The following EPB41L2 variants were observed in gnomAD, a reference collection of about 807,000 sequenced individuals.
EPB41L2 encodes the protein band 4.1-like protein 2.
A neutral mutation model predicts 113.0 loss-of-function variants in EPB41L2; 43 were observed. The observed-to-expected ratio is 0.38, with a 90% confidence interval of 0.30 to 0.49. EPB41L2 has a LOEUF of 0.49. Ranked by LOEUF, EPB41L2 falls within the 20% of genes least tolerant of loss-of-function variation. EPB41L2 has a pLI of 0.95. For missense variants in EPB41L2, 1,147 were observed against 1,223.4 expected, an observed-to-expected ratio of 0.94 and a Z score of 0.93; for synonymous variants, 442 against 436.7, an observed-to-expected ratio of 1.01 and a Z score of -0.15.
intron 1 of EPB41L2, among the ~76,000 whole-genome samples, chr6:130,973,159 G>GGGAAGACTTGATGGAAT (rs1562635190): frequency 6.6e-6 from 1 of 151,758 alleles, no homozygotes; most frequent in African/African-American, 2.4e-5. Context: ...CTTGATGGAA[G>GGGAAGACTTGATGGAAT]TCTTCACTTC....
At chr6:130,991,936 C>G (rs535148897) in intron 1 of EPB41L2, among the ~76,000 whole-genome samples, 18 of 152,022 alleles carry the variant, frequency 1.2e-4, no homozygotes, top group Middle Eastern at 3.4e-3. Context: ...TACACCCACC[C>G]GTTGGCTTCA....
At chr6:131,018,885 A>G (rs1172286852) in intron 1 of EPB41L2, among the ~76,000 whole-genome samples, 1 of 152,198 alleles carries the variant, frequency 6.6e-6, no homozygotes, top group Non-Finnish European at 1.5e-5. Context: ...ATCCGTTCAA[A>G]TCAGGTTTAC....
At chr6:130,894,203 A>G (rs77671273) in intron 10 of EPB41L2, 141 bp downstream of exon 10, 13,752 of 643,888 alleles carry the variant, frequency 0.021, 211 homozygotes, top group Non-Finnish European at 0.029. Flanking sequence ...AGAAAAAAAG[A>G]GAGATGGAGT....
At chr6:131,046,838 G>A (rs976847167) in intron 1 of EPB41L2, among the ~76,000 whole-genome samples, 3 of 152,144 alleles carry the variant, frequency 2.0e-5, no homozygotes, top group African/African-American at 7.2e-5. Context: ...TCTAGTTTCT[G>A]CATGAAAACT....
intron 6 of EPB41L2, 118 bp from the exon 7 acceptor site, chr6:130,901,298 C>A: frequency 1.3e-6 from 1 of 782,540 alleles, no homozygotes; most frequent in Admixed American, 2.8e-5. Flanking sequence ...AGGCACTCTT[C>A]ATATAAACAG....
At chr6:130,997,539 C>T (rs1202775041) in intron 1 of EPB41L2, among the ~76,000 whole-genome samples, 2 of 152,144 alleles carry the variant, frequency 1.3e-5, no homozygotes, top group African/African-American at 4.8e-5. Context: ...TGTTATATGA[C>T]AACTGTTACT....
At chr6:130,934,259 T>C (rs2062189562) in intron 3 of EPB41L2, among the ~76,000 whole-genome samples, 1 of 152,194 alleles carries the variant, frequency 6.6e-6, no homozygotes, top group Admixed American at 6.5e-5. Flanking sequence ...AAAGAAACCC[T>C]GGTCAATTTT....
chr6:130,905,131 G>A (rs111812272), intron 5 of EPB41L2, among the ~76,000 whole-genome samples: 8 of 152,022 alleles, frequency 5.3e-5, no homozygotes, highest in Admixed American at 6.6e-5. Context: ...AAGTATATTC[G>A]TATATAACAT....
Position 130,987,175 on chromosome 6 carries a change from C to T in EPB41L2, c.-14-30676G>A, listed in dbSNP as rs538480253. ...TCTGCCTTTTGGTTAGTATGAATAG[C>T]CACTATGAACATCCGTGTATAATTT... On this transcript the variant is annotated intron_variant, in intron 1 of 19. Transcript: ENST00000337057. Among the ~76,000 whole-genome samples the T allele has an allele frequency of 1.2e-4, 19 of 152,268 alleles. No homozygotes were observed. The South Asian group carries it at 3.5e-3, about 28-fold the overall frequency.
At position 130,994,013 on chromosome 6, in the gene EPB41L2, G is replaced by A. The variant is rs1309863364; in HGVS notation, c.-14-37514C>T. 2.0e-5 allele frequency among the ~76,000 whole-genome samples: 3 copies of A among 152,188 alleles called. No homozygotes were observed. The South Asian group carries it at 6.2e-4, about 32-fold the overall frequency. ...CAGTATACCGGGAATAAAACTTGGGGTTGGGAGAAACGTCATGAAGTTATT... is the reference window on the plus strand; with the variant it reads ...CAGTATACCGGGAATAAAACTTGGGATTGGGAGAAACGTCATGAAGTTATT... On this transcript the variant is annotated intron_variant, in intron 1 of 19. Transcript: ENST00000337057.
intron 19 of EPB41L2, among the ~76,000 whole-genome samples, chr6:130,852,879 C>T (rs1779175113): frequency 1.3e-5 from 2 of 152,184 alleles, no homozygotes. Context: ...TGCTTCCAAT[C>T]CTGCCTGGAA....
In EPB41L2 at chr6:130,903,140, A is replaced by G. The variant is rs1044777515; in HGVS notation, c.929+1325T>C. On this transcript the variant is annotated intron_variant, in intron 6 of 19. Coordinates refer to ENST00000337057, the MANE Select transcript of EPB41L2 (RefSeq NM_001431.4). ...CTGATGCTACAAACTTGCAATCACC[A>G]AAGGATTATCATTCTCCAAACAAAT... is the stretch of plus-strand genomic sequence containing the variant. 7.2e-5 allele frequency among the ~76,000 whole-genome samples: 11 copies of G among 152,278 alleles called. 1 individual carries two copies. Among genetic ancestry groups the G allele is most frequent in the Admixed American group, 6.5e-4 (10 of 15,286 alleles).
At chr6:131,017,384 G>A (rs1452552618) in intron 1 of EPB41L2, among the ~76,000 whole-genome samples, 1 of 152,108 alleles carries the variant, frequency 6.6e-6, no homozygotes, top group African/African-American at 2.4e-5. Context: ...TCATTTATCA[G>A]AGTTTGCACA....
chr6:131,041,684 G>C (rs750703332), intron 1 of EPB41L2, among the ~76,000 whole-genome samples: 1 of 152,030 alleles, frequency 6.6e-6, no homozygotes, highest in South Asian at 2.1e-4. Flanking sequence ...ACTCTATAGA[G>C]CAAACAATAG....
At chr6:130,869,222 C>T (rs930451067) in intron 15 of EPB41L2, among the ~76,000 whole-genome samples, 8 of 151,932 alleles carry the variant, frequency 5.3e-5, no homozygotes, top group Non-Finnish European at 1.0e-4. Context: ...GAAAAAAAGG[C>T]ATTTAGTGTG....
At chr6:130,999,794 C>A (rs1426989699) in intron 1 of EPB41L2, among the ~76,000 whole-genome samples, 1 of 152,130 alleles carries the variant, frequency 6.6e-6, no homozygotes, top group Non-Finnish European at 1.5e-5. Flanking sequence ...TTAGCCAACC[C>A]TTTATTATGC....
chr6:131,049,380 C>T (rs527741285), intron 1 of EPB41L2, among the ~76,000 whole-genome samples: 1 of 152,196 alleles, frequency 6.6e-6, no homozygotes, highest in Non-Finnish European at 1.5e-5. Context: ...CAGTACTTGA[C>T]ATTCTGACCT....
intron 1 of EPB41L2, among the ~76,000 whole-genome samples, chr6:131,033,442 A>T (rs1343388666): frequency 6.6e-6 from 1 of 152,204 alleles, no homozygotes; most frequent in East Asian, 1.9e-4. Context: ...ACACATAGGT[A>T]TGCACTCAAA....
intron 1 of EPB41L2, chr6:131,015,865 C>A (rs1788074646): frequency 6.6e-6 from 1 of 151,838 alleles, no homozygotes; most frequent in African/African-American, 2.4e-5. Flanking sequence ...ACAGTAAGTT[C>A]AGGTGTTTTA....
Sources: gnomAD v4.1 joint callset for allele counts (sites outside exome capture counted in the v4.1 genomes callset) on GRCh38, gnomAD v4.1.1 for gene constraint, MANE v1.5 for transcripts, NCBI Gene and HGNC (gene_info 2026-07-23, HGNC 2026-07-21) for gene names.